MMS22L: variants seen among roughly 807,000 people sequenced by gnomAD.
MMS22L encodes MMS22 like, DNA repair protein, also known as protein MMS22-like.
A neutral mutation model predicts 159.1 loss-of-function variants in MMS22L; 74 were observed. The ratio of observed to expected loss-of-function variants is 0.47; its 90% CI spans 0.39 to 0.56. The LOEUF is 0.56. MMS22L is among the 20% of genes least tolerant of loss of function. MMS22L has a pLI of 0.00. For missense variants in MMS22L, 1,351 were observed against 1,422.1 expected (o/e 0.95, Z 0.80); for synonymous variants, 517 against 506.9 (o/e 1.02, Z -0.27).
At chr6:97,255,971 T>C (rs1813762416) in intron 9 of MMS22L, among the ~76,000 whole-genome samples, 1 of 152,142 alleles carries the variant, frequency 6.6e-6, no homozygotes, top group South Asian at 2.1e-4. Flanking sequence ...TTTTGAACCT[T>C]GATATATTCT....
At chr6:97,198,607 ACTTGGGAAG>A (rs1465295818) in intron 14 of MMS22L, among the ~76,000 whole-genome samples, 2 of 152,154 alleles carry the variant, frequency 1.3e-5, no homozygotes, top group African/African-American at 4.8e-5. Flanking sequence ...AGGAATTCAC[ACTTGGGAAG>A]CTTGGGGTGG....
chr6:97,208,035 G>A (rs917489804), intron 14 of MMS22L, among the ~76,000 whole-genome samples: 3 of 152,000 alleles, frequency 2.0e-5, no homozygotes, highest in African/African-American at 4.8e-5. Context: ...AAGCTATTAG[G>A]TTTGTCTAAG....
intron 14 of MMS22L, among the ~76,000 whole-genome samples, chr6:97,222,404 T>C (rs1206975446): frequency 6.6e-6 from 1 of 152,058 alleles, no homozygotes; most frequent in Non-Finnish European, 1.5e-5. Flanking sequence ...ACACAGCATC[T>C]CAAAAAGGTA....
At chr6:97,267,167 T>A (rs1036707411) in intron 8 of MMS22L, 1 of 152,150 alleles carries the variant, frequency 6.6e-6, no homozygotes, top group Non-Finnish European at 1.5e-5. Flanking sequence ...AATCCACTAA[T>A]ACACATACAC....
chr6:97,162,162 T>C lies in MMS22L; in HGVS notation c.3225A>G (p.Lys1075=), dbSNP rs1407274571. 7 of 1,588,030 alleles carry C rather than the reference T, an allele frequency of 4.4e-6. No individual in the cohort carries two copies. The highest frequency in any genetic ancestry group is 6.0e-6 in the Non-Finnish European group (7 of 1,172,568). The change falls in exon 22 of 25, where the codon AAA becomes AAG. Residue 1075 remains lysine, a synonymous_variant. Transcript: ENST00000683635. ...AGGACCCCTTATACTCAAGGTAGGA[T>C]TTCCTGAAAAGAAGCAAAATTTGTT... ...LKKCIVQVIR[K]SYLEYKGSSP...
intron 14 of MMS22L, among the ~76,000 whole-genome samples, chr6:97,216,504 T>A (rs1809031009): frequency 1.3e-5 from 2 of 152,228 alleles, no homozygotes; most frequent in Admixed American, 6.5e-5. Context: ...TGAGTTTTTT[T>A]AAACTAGGTC....
intron 3 of MMS22L, 131 bp downstream of exon 3, chr6:97,281,106 A>G: frequency 1.2e-6 from 1 of 800,504 alleles, no homozygotes; most frequent in Non-Finnish European, 1.9e-6. Flanking sequence ...TGTTACTGGT[A>G]AGATAATCAA....
At chr6:97,279,893 G>C (rs1329222212) in intron 3 of MMS22L, among the ~76,000 whole-genome samples, 4 of 151,940 alleles carry the variant, frequency 2.6e-5, no homozygotes, top group Admixed American at 6.6e-5. Context: ...GTTCAAAAAA[G>C]GAATAATGTA....
chr6:97,282,663 T>C (rs1816868946), intron 1 of MMS22L, 110 bp from the exon 2 acceptor site: 1 of 469,128 alleles, frequency 2.1e-6, no homozygotes, highest in Non-Finnish European at 3.7e-6. Flanking sequence ...GAGGCCAAAT[T>C]CCCAATTCCC....
At chr6:97,206,218 A>C (rs1432469626) in intron 14 of MMS22L, among the ~76,000 whole-genome samples, 2 of 152,106 alleles carry the variant, frequency 1.3e-5, no homozygotes, top group Non-Finnish European at 2.9e-5. Context: ...CAGAGGCATA[A>C]ATTAAAGCAT....
chr6:97,167,896 T>C (rs1803132300), intron 20 of MMS22L, among the ~76,000 whole-genome samples, 175 bp downstream of exon 20: 1 of 152,200 alleles, frequency 6.6e-6, no homozygotes, highest in African/African-American at 2.4e-5. Flanking sequence ...TGCTTTTTCA[T>C]TTTTGTTTCC....
At chr6:97,234,013 A>T in intron 11 of MMS22L, 33 bp from the exon 12 acceptor site, 3 of 1,595,408 alleles carry the variant, frequency 1.9e-6, no homozygotes, top group Non-Finnish European at 2.6e-6. Context: ...GAGAAGGTAA[A>T]TGGGCTCTGG....
chr6:97,246,086 A>G (rs1812609716), intron 11 of MMS22L: 1 of 398,458 alleles, frequency 2.5e-6, no homozygotes. Context: ...TGTGATGAAC[A>G]GCATGTTTAA....
chr6:97,154,931 C>T (rs1037759686), intron 22 of MMS22L, among the ~76,000 whole-genome samples: 17 of 152,140 alleles, frequency 1.1e-4, no homozygotes, highest in Non-Finnish European at 2.9e-5. Context: ...ATTGATTTGG[C>T]TATTCTGGGT....
At chr6:97,215,963 T>G (rs1301019376) in intron 14 of MMS22L, among the ~76,000 whole-genome samples, 1 of 152,156 alleles carries the variant, frequency 6.6e-6, no homozygotes, top group Non-Finnish European at 1.5e-5. Flanking sequence ...AATATATATC[T>G]TGTAAGGTAA....
intron 18 of MMS22L, among the ~76,000 whole-genome samples, chr6:97,177,093 T>A (rs1454579444): frequency 6.6e-6 from 1 of 152,136 alleles, no homozygotes; most frequent in African/African-American, 2.4e-5. Flanking sequence ...CCACAACCAT[T>A]CAATCTTTGA....
At chr6:97,156,722 T>C (rs1801889870) in intron 22 of MMS22L, among the ~76,000 whole-genome samples, 1 of 152,214 alleles carries the variant, frequency 6.6e-6, no homozygotes, top group South Asian at 2.1e-4. Context: ...TGTAGCCTTC[T>C]AGTATCGTTT....
At chr6:97,215,866 C>T (rs1327632970) in intron 14 of MMS22L, among the ~76,000 whole-genome samples, 1 of 151,954 alleles carries the variant, frequency 6.6e-6, no homozygotes, top group Non-Finnish European at 1.5e-5. Context: ...CCTTAGGAGA[C>T]TGAAATGGAA....
chr6:97,225,993 T>C (rs1030287001), intron 14 of MMS22L, among the ~76,000 whole-genome samples: 1 of 152,236 alleles, frequency 6.6e-6, no homozygotes, highest in Non-Finnish European at 1.5e-5. Context: ...TTTTTTGGTA[T>C]GAAATTTGGT....
Sources: gnomAD v4.1 joint callset for allele counts (sites outside exome capture counted in the v4.1 genomes callset) on GRCh38, gnomAD v4.1.1 for gene constraint, MANE v1.5 for transcripts, NCBI Gene and HGNC (gene_info 2026-07-23, HGNC 2026-07-21) for gene names.